SERPINE2: variants seen among roughly 807,000 people sequenced by gnomAD.
SERPINE2 encodes glia-derived nexin.
A neutral mutation model predicts 36.3 loss-of-function variants in SERPINE2; 14 were observed. The ratio of observed to expected loss-of-function variants is 0.39; its 90% confidence interval spans 0.25 to 0.60. The LOEUF is 0.60. Ranked by LOEUF, SERPINE2 falls within the 20% of genes least tolerant of loss-of-function variation. SERPINE2 has a pLI of 0.57. For synonymous variants in SERPINE2, 192 were observed against 191.8 expected, an observed-to-expected ratio of 1.00 and a Z score of -0.01; for missense variants, 418 against 499.6, an observed-to-expected ratio of 0.84 and a Z score of 1.56.
chr2:224,001,965 G>C (rs1482713478), intron 1 of SERPINE2, 43 bp from the exon 2 acceptor site: 15 of 1,500,848 alleles, frequency 1.0e-5, no homozygotes, highest in Non-Finnish European at 1.3e-5. Flanking sequence ...TACTTAAATG[G>C]GTACTTTACT....
intron 3 of SERPINE2, among the ~76,000 whole-genome samples, chr2:223,994,778 G>A (rs1158543473): frequency 2.6e-5 from 4 of 152,186 alleles, no homozygotes; most frequent in Non-Finnish European, 4.4e-5. Flanking sequence ...TTTACTAAGT[G>A]CAGAGTCCTT....
At chr2:223,995,549 A>C (rs147973549) in intron 3 of SERPINE2, among the ~76,000 whole-genome samples, 48 of 149,596 alleles carry the variant, frequency 3.2e-4, no homozygotes, top group African/African-American at 1.2e-3. Context: ...ACACCTACTT[A>C]TAATTATCTG....
chr2:224,006,269 C>G (rs891527391), intron 1 of SERPINE2, among the ~76,000 whole-genome samples: 15 of 152,168 alleles, frequency 9.9e-5, no homozygotes, highest in Non-Finnish European at 2.1e-4. Context: ...CCTGTTTTCA[C>G]TTGATCGTTC....
chr2:224,027,573 G>C (rs1485362875), intron 1 of SERPINE2, among the ~76,000 whole-genome samples: 1 of 152,200 alleles, frequency 6.6e-6, no homozygotes, highest in Non-Finnish European at 1.5e-5. Context: ...GGGAGTGGTA[G>C]AAGTGGTTGG....
chr2:223,982,439 T>C (rs1331027140), intron 6 of SERPINE2: 1 of 376,606 alleles, frequency 2.7e-6, no homozygotes, highest in Non-Finnish European at 4.8e-6. Context: ...AACTGATCCA[T>C]GTAACCAAAA....
In SERPINE2 at chr2:223,975,889, A is replaced by G. The variant is rs149268336; in HGVS notation, c.1172T>C (p.Met391Thr). ...TCTTCAGGGTTTGTTTATCTGCCCC[A>G]TGAATAACACAGCACCTACAGAATT... ...RHNPTGAVLFMGQINKP is the reference protein window; with the variant it reads ...RHNPTGAVLFTGQINKP Residue 391 changes from methionine (M) to threonine (T), a missense_variant, in exon 9 of 9, where the codon ATG becomes ACG. Transcript: ENST00000409304. The G allele has an allele frequency of 8.8e-6, 14 of 1,599,218 alleles. No individual in the cohort carries two copies. In the African/African-American group the frequency reaches 1.7e-4, roughly 20 times the overall value.
intron 2 of SERPINE2, among the ~76,000 whole-genome samples, chr2:223,998,796 T>C (rs1004481478): frequency 1.3e-5 from 2 of 152,208 alleles, no homozygotes; most frequent in African/African-American, 4.8e-5. Flanking sequence ...CAGGGGCCTA[T>C]TTCTTAAGAA....
chr2:224,032,080 A>G (rs1394079403), intron 1 of SERPINE2, among the ~76,000 whole-genome samples: 1 of 152,206 alleles, frequency 6.6e-6, no homozygotes, highest in Non-Finnish European at 1.5e-5. Context: ...TGCAGTAGTT[A>G]ATAGTTCCTA....
rs533781229 is a variant in SERPINE2 at position 223,975,835 on chromosome 2, C to T, written c.*32G>A. 2.1e-5 allele frequency: 33 copies of T among 1,536,690 alleles called. No individual in the cohort carries two copies. The highest frequency in any genetic ancestry group is 2.4e-5 in the Non-Finnish European group (27 of 1,129,748). ...GAGTCTTTCTTCGTAGCAAAGTAGT[C>T]GTTGCTTTGCATGGTTTCTTTTGTA... On this transcript the variant is annotated 3_prime_UTR_variant, in exon 9 of 9. Coordinates refer to ENST00000409304, the MANE Select transcript of SERPINE2 (RefSeq NM_001136528.2).
rs535448849 is a variant in SERPINE2 at position 224,014,544 on chromosome 2, G to A, written c.-22-12622C>T. On this transcript the variant is annotated intron_variant, in intron 1 of 8. Transcript: ENST00000409304. ...TCAGAGGGATCATTGTGTGGCGCCT[G>A]GGGCGAGAGTGGGAATGTGTGTTCT... 1.4e-3 allele frequency among the ~76,000 whole-genome samples: 207 copies of A among 152,336 alleles called. 2 individuals carry two copies. Among genetic ancestry groups the A allele is most frequent in the Non-Finnish European group, 1.6e-4 (11 of 68,026 alleles).
At chr2:223,989,387 C>G (rs925619252) in intron 4 of SERPINE2, among the ~76,000 whole-genome samples, 1 of 152,208 alleles carries the variant, frequency 6.6e-6, no homozygotes, top group African/African-American at 2.4e-5. Context: ...CAGGAAGCAT[C>G]CGACAGGTGG....
chr2:223,977,694 G>A, intron 7 of SERPINE2, 67 bp from the exon 8 acceptor site: 4 of 1,046,704 alleles, frequency 3.8e-6, no homozygotes, highest in Non-Finnish European at 6.0e-6. Context: ...AGGCCAGCAA[G>A]TTAGCTAGCT....
chr2:223,994,711 T>A (rs1201779215), intron 3 of SERPINE2, among the ~76,000 whole-genome samples: 1 of 152,168 alleles, frequency 6.6e-6, no homozygotes, highest in African/African-American at 2.4e-5. Flanking sequence ...GTTGGTGAGG[T>A]CTGAGATGGA....
intron 3 of SERPINE2, among the ~76,000 whole-genome samples, chr2:223,994,034 G>C (rs901501155): frequency 6.6e-6 from 1 of 152,034 alleles, no homozygotes; most frequent in Admixed American, 6.6e-5. Context: ...ATTCCTACTT[G>C]CCTTTAAGAC....
At chr2:224,025,749 C>T (rs1692161061) in intron 1 of SERPINE2, among the ~76,000 whole-genome samples, 2 of 152,204 alleles carry the variant, frequency 1.3e-5, no homozygotes, top group Admixed American at 1.3e-4. Context: ...ATGTGCAACA[C>T]TGCCACTGAA....
chr2:224,028,601 C>T (rs999716146), intron 1 of SERPINE2, among the ~76,000 whole-genome samples: 2 of 152,212 alleles, frequency 1.3e-5, no homozygotes, highest in African/African-American at 2.4e-5. Context: ...CAGTGGGAAT[C>T]GGAGCCGGGT....
chr2:224,034,248 CT>C (rs985943093), intron 1 of SERPINE2, among the ~76,000 whole-genome samples: 7 of 152,098 alleles, frequency 4.6e-5, no homozygotes, highest in African/African-American at 1.7e-4. Flanking sequence ...TGTGTGTACA[CT>C]GCACATGTGC....
chr2:223,995,361 G>T (rs928165909), intron 3 of SERPINE2, among the ~76,000 whole-genome samples: 19 of 152,198 alleles, frequency 1.2e-4, no homozygotes, highest in African/African-American at 4.1e-4. Context: ...CTTTCAGTGG[G>T]GGCAGTTCAC....
chr2:223,986,484 T>C (rs1197999503), intron 4 of SERPINE2, among the ~76,000 whole-genome samples: 1 of 151,870 alleles, frequency 6.6e-6, no homozygotes, highest in Non-Finnish European at 1.5e-5. Flanking sequence ...GAAAAATCAA[T>C]GGGAAAGTGA....
Sources: gnomAD v4.1 joint callset for allele counts (sites outside exome capture counted in the v4.1 genomes callset) on GRCh38, gnomAD v4.1.1 for gene constraint, MANE v1.5 for transcripts, NCBI Gene and HGNC (gene_info 2026-07-23, HGNC 2026-07-21) for gene names.